Variants in NF2 observed in about 807,000 individuals in gnomAD.
NF2 encodes the protein NF2, moesin-ezrin-radixin like (MERLIN) tumor suppressor.
Under a neutral mutation model 83.7 loss-of-function variants are expected in NF2, and 8 were observed. The ratio of observed to expected loss-of-function variants is 0.10; its 90% CI spans 0.06 to 0.17. The LOEUF is 0.17. NF2 is among the 10% of genes least tolerant of loss of function. The pLI, the probability that NF2 is intolerant of heterozygous loss-of-function variation, is 1.00. For synonymous variants in NF2, 266 were observed against 269.6 expected (o/e 0.99, Z 0.13); for missense variants, 533 against 744.4 (o/e 0.72, Z 3.31).
At chr22:29,670,511 G>C (rs1227803071) in intron 10 of NF2, among the ~76,000 whole-genome samples, 3 of 149,262 alleles carry the variant, frequency 2.0e-5, no homozygotes, top group Non-Finnish European at 4.5e-5. Context: ...GCTTGTGTGT[G>C]TGTGTGTGTG....
chr22:29,639,237 A>C (rs1003264092), intron 3 of NF2, 25 bp downstream of exon 3: 4 of 1,613,784 alleles, frequency 2.5e-6, no homozygotes, highest in Non-Finnish European at 2.5e-6. Context: ...GCTACCCCCC[A>C]GTTCTGAGAG....
intron 1 of NF2, chr22:29,609,316 G>A: frequency 1.5e-6 from 1 of 665,138 alleles, no homozygotes; most frequent in Non-Finnish European, 2.9e-6. Flanking sequence ...TGAGGATCCA[G>A]TTCCCATCTT....
intron 15 of NF2, among the ~76,000 whole-genome samples, chr22:29,690,734 A>G (rs1422254503): frequency 6.6e-6 from 1 of 152,184 alleles, no homozygotes; most frequent in Non-Finnish European, 1.5e-5. Flanking sequence ...TTCTAATCAG[A>G]TGTGAAGAGA....
At position 29,695,829 on chromosome 22, in the gene NF2, G is replaced by A. The variant is rs1405492695; in HGVS notation, c.*1027G>A. Reference sequence around the variant, plus strand: ...ACAGCCCACTTCCCAACCCACTGTTGTACCCAGGCCTCACTTTGCTGTTGC... The same window carrying A: ...ACAGCCCACTTCCCAACCCACTGTTATACCCAGGCCTCACTTTGCTGTTGC... On this transcript the variant is annotated 3_prime_UTR_variant, in exon 16 of 16. Coordinates refer to ENST00000338641, the MANE Select transcript of NF2 (RefSeq NM_000268.4). The surrounding 1 kb of genome is among the most constrained non-coding windows in gnomAD (Gnocchi z 5.4). 10 of 233,614 alleles carry A rather than the reference G, an allele frequency of 4.3e-5. No individual in the cohort carries two copies. The Admixed American group carries it at 5.6e-4, about 13-fold the overall frequency. 14.5% of individuals were successfully genotyped at this position (233,614 alleles called of 1,614,324 possible). A position where few individuals can be genotyped will look rare whatever the true frequency, so the allele number is the denominator to read the frequency against.
chr22:29,692,218 C>T (rs1051056755), intron 15 of NF2, among the ~76,000 whole-genome samples: 22 of 152,206 alleles, frequency 1.4e-4, no homozygotes, highest in African/African-American at 5.3e-4. Context: ...TCAGTGCCTT[C>T]TGGAGGACTG....
At chr22:29,665,956 A>C (rs146848755) in intron 9 of NF2, among the ~76,000 whole-genome samples, 9 of 152,224 alleles carry the variant, frequency 5.9e-5, no homozygotes, top group Non-Finnish European at 1.3e-4. Flanking sequence ...AATACCATTC[A>C]ATGTCATATG....
intron 15 of NF2, among the ~76,000 whole-genome samples, chr22:29,688,987 T>C (rs5763422): frequency 0.3 from 46,211 of 151,986 alleles, 7,390 homozygotes; most frequent in Non-Finnish European, 0.37. Context: ...GAGACCATCC[T>C]GGCCAACATG....
intron 13 of NF2, among the ~76,000 whole-genome samples, chr22:29,675,864 A>G (rs752198888): frequency 6.6e-6 from 1 of 152,192 alleles, no homozygotes; most frequent in Non-Finnish European, 1.5e-5. Context: ...AGGCACATAC[A>G]TGACCCAGAT....
intron 5 of NF2, 124 bp downstream of exon 5, chr22:29,654,849 A>C: frequency 1.3e-6 from 1 of 790,198 alleles, no homozygotes; most frequent in Non-Finnish European, 2.2e-6. Context: ...ATATTTTGTA[A>C]TCTCCAGTAA....
At position 29,606,822 on chromosome 22, in the gene NF2, G is replaced by A. The variant is rs550534411; in HGVS notation, c.114+2710G>A. On this transcript the variant is annotated intron_variant, in intron 1 of 15. Coordinates refer to ENST00000338641, the MANE Select transcript of NF2 (RefSeq NM_000268.4). The stretch of plus-strand genomic sequence containing the variant: ...GCACTTTGGGAGGCTGAGGCAGGCA[G>A]ATCATCTGAGGTCGGGAGTTTGAGA... Among the ~76,000 whole-genome samples, 5 of 152,330 alleles carry A rather than the reference G, an allele frequency of 3.3e-5. No homozygotes were observed. The East Asian group carries it at 9.6e-4, about 29-fold the overall frequency.
chr22:29,626,444 G>A (rs1393884512), intron 1 of NF2, among the ~76,000 whole-genome samples: 1 of 152,040 alleles, frequency 6.6e-6, no homozygotes, highest in Non-Finnish European at 1.5e-5. Flanking sequence ...GAGCCACCAC[G>A]CCCAGCCCCA....
intron 10 of NF2, 80 bp from the exon 11 acceptor site, chr22:29,671,746 A>G (rs2066794874): frequency 1.2e-6 from 2 of 1,602,388 alleles, no homozygotes; most frequent in Middle Eastern, 2.2e-4. Flanking sequence ...GAGACTGGAG[A>G]TGGGGCATCT....
At chr22:29,684,289 T>G (rs1444972972) in intron 15 of NF2, 1 of 152,254 alleles carries the variant, frequency 6.6e-6, no homozygotes, top group African/African-American at 2.4e-5. Flanking sequence ...GTCCGCGCTC[T>G]GAGCAGGGCA....
intron 4 of NF2, among the ~76,000 whole-genome samples, chr22:29,650,090 G>A (rs1428023239): frequency 1.3e-5 from 2 of 152,148 alleles, no homozygotes; most frequent in East Asian, 3.8e-4. Context: ...GTGATGGCTA[G>A]TGGGTACAGG....
intron 4 of NF2, among the ~76,000 whole-genome samples, chr22:29,643,747 C>G (rs867849043): frequency 1.4e-4 from 21 of 152,222 alleles, no homozygotes; most frequent in East Asian, 5.8e-4. Context: ...ACCTTTCCCC[C>G]CTTTCTATTC....
At chr22:29,645,785 T>C (rs1456195398) in intron 4 of NF2, among the ~76,000 whole-genome samples, 1 of 152,224 alleles carries the variant, frequency 6.6e-6, no homozygotes, top group African/African-American at 2.4e-5. Context: ...AACCAGCAGA[T>C]GTTTGCTTAA....
At chr22:29,612,193 A>G (rs1279342180) in intron 1 of NF2, among the ~76,000 whole-genome samples, 1 of 152,100 alleles carries the variant, frequency 6.6e-6, no homozygotes, top group Non-Finnish European at 1.5e-5. Flanking sequence ...TTTTTAGTAT[A>G]GAGGGGGTTT....
At chr22:29,655,093 A>G (rs931932104) in intron 5 of NF2, among the ~76,000 whole-genome samples, 7 of 152,094 alleles carry the variant, frequency 4.6e-5, no homozygotes, top group Non-Finnish European at 7.4e-5. Context: ...AGGGGTGGGC[A>G]TTGTGGTTTT....
rs149803133 is a variant in NF2, at chr22:29,655,653, C to T, written c.576C>T (p.Tyr192=). ...EMWEERITAW[Y]AEHRGRARDE... is the part of the protein sequence containing the mutation. ...GGGAGGAGAGAATTACTGCTTGGTA[C>T]GCAGAGCACCGAGGCCGAGCCAGGT... Residue 192 remains tyrosine (Y), a synonymous_variant, in exon 6 of 16, where the codon TAC becomes TAT. Coordinates refer to ENST00000338641, the MANE Select transcript of NF2 (RefSeq NM_000268.4). 42 of 1,612,654 alleles carry T rather than the reference C, an allele frequency of 2.6e-5. No individual in the cohort carries two copies. Among genetic ancestry groups the T allele is most frequent in the Admixed American group, 1.2e-4 (7 of 59,920 alleles).
Sources: gnomAD v4.1 joint callset for allele counts (sites outside exome capture counted in the v4.1 genomes callset) on GRCh38, gnomAD v4.1.1 for gene constraint, Gnocchi (gnomAD v3.1) non-coding constraint, MANE v1.5 for transcripts, NCBI Gene and HGNC (gene_info 2026-07-23, HGNC 2026-07-21) for gene names.